Variants in SIGLECL1 observed in about 807,000 individuals in gnomAD.
SIGLECL1 encodes SIGLEC family-like protein 1.
A neutral mutation model predicts 19.1 loss-of-function variants in SIGLECL1; 16 were observed. The observed-to-expected ratio is 0.84, with a 90% CI of 0.57 to 1.27. SIGLECL1 has a LOEUF of 1.27. Among genes scored for constraint, SIGLECL1 ranks in the 50% most tolerant of loss-of-function variants. The pLI is 0.00. For synonymous variants in SIGLECL1, 89 were observed against 90.4 expected, an observed-to-expected ratio of 0.98 and a Z score of 0.09; for missense variants, 210 against 239.4, an observed-to-expected ratio of 0.88 and a Z score of 0.81.
chr19:51,248,349 G>C (rs1249430002), upstream of SIGLECL1, among the ~76,000 whole-genome samples: 4 of 152,054 alleles, frequency 2.6e-5, no homozygotes, highest in African/African-American at 9.7e-5. Context: ...TCCTCAAATG[G>C]GACTATAAAA....
At chr19:51,263,625 G>A (rs952992905) in intron 1 of SIGLECL1, among the ~76,000 whole-genome samples, 15 of 152,196 alleles carry the variant, frequency 9.9e-5, no homozygotes, top group Admixed American at 9.8e-4. Flanking sequence ...GGCCATGGTG[G>A]TGAATACCTG....
At chr19:51,251,063 A>AT (rs1208825258), upstream of SIGLECL1, 3 of 152,208 alleles carry the variant, frequency 2.0e-5, no homozygotes, top group Non-Finnish European at 2.9e-5. Context: ...GCAGCCGCTG[A>AT]TTGGCTGCGG....
intron 5 of SIGLECL1, among the ~76,000 whole-genome samples, chr19:51,267,974 C>T (rs770927594): frequency 1.8e-4 from 27 of 152,176 alleles, no homozygotes; most frequent in Non-Finnish European, 3.1e-4. Context: ...CCCACATCTT[C>T]AGCAGGGCTT....
intron 1 of SIGLECL1, among the ~76,000 whole-genome samples, chr19:51,263,046 G>A (rs547814294): frequency 6.1e-4 from 93 of 152,178 alleles, no homozygotes; most frequent in Middle Eastern, 3.4e-3. Flanking sequence ...CTACAGGTGC[G>A]TACCACCACA....
At chr19:51,257,848 G>A (rs1005512029) in intron 1 of SIGLECL1, 1 of 152,234 alleles carries the variant, frequency 6.6e-6, no homozygotes, top group African/African-American at 2.4e-5. Context: ...CATGAGGGAA[G>A]TCACCATGTT....
upstream of SIGLECL1, among the ~76,000 whole-genome samples, chr19:51,249,975 G>A (rs886355934): frequency 2.0e-5 from 3 of 152,006 alleles, no homozygotes; most frequent in African/African-American, 7.3e-5. Flanking sequence ...ACTTCCTGAC[G>A]TTGCCATGGC....
upstream of SIGLECL1, among the ~76,000 whole-genome samples, chr19:51,247,710 G>T (rs1476263405): frequency 6.6e-6 from 1 of 152,172 alleles, no homozygotes; most frequent in Non-Finnish European, 1.5e-5. Context: ...GAGCCACCGT[G>T]TCCGGCCGTT....
intron 1 of SIGLECL1, among the ~76,000 whole-genome samples, chr19:51,253,285 A>T (rs1982607376): frequency 6.6e-6 from 1 of 152,190 alleles, no homozygotes; most frequent in South Asian, 2.1e-4. Flanking sequence ...CCATGTTTTT[A>T]AAATGAGCAA....
At chr19:51,266,791 A>T (rs1983708622) in intron 4 of SIGLECL1, among the ~76,000 whole-genome samples, 1 of 152,180 alleles carries the variant, frequency 6.6e-6, no homozygotes, top group Non-Finnish European at 1.5e-5. Context: ...CAGGCCAGAG[A>T]GACGGGCAGG....
chr19:51,249,373 C>T (rs1220982325), upstream of SIGLECL1, among the ~76,000 whole-genome samples: 1 of 151,868 alleles, frequency 6.6e-6, no homozygotes. Flanking sequence ...GGTCCCCTCT[C>T]GGGAAGTCTA....
Position 51,269,110 on chromosome 19 carries a change from A to C in SIGLECL1, c.*513A>C, listed in dbSNP as rs1448820626. On this transcript the variant is annotated 3_prime_UTR_variant, in exon 6 of 6. Coordinates refer to ENST00000601727, the MANE Select transcript of SIGLECL1 (RefSeq NM_001385465.1). ...TCACATGACCCATATCTGGGTGGAG[A>C]ATGGGTGAAAAGTACTGTTCAGAGA... 3 of 156,646 alleles carry C rather than the reference A, an allele frequency of 1.9e-5. No homozygotes were observed. Among genetic ancestry groups the C allele is most frequent in the Non-Finnish European group, 4.2e-5 (3 of 70,710 alleles). 9.7% of individuals were successfully genotyped at this position (156,646 alleles called of 1,614,324 possible). A position where few individuals can be genotyped will look rare whatever the true frequency, so the allele number is the denominator to read the frequency against.
intron 1 of SIGLECL1, among the ~76,000 whole-genome samples, chr19:51,262,524 T>C (rs1189717758): frequency 6.6e-6 from 1 of 152,230 alleles, no homozygotes; most frequent in Non-Finnish European, 1.5e-5. Flanking sequence ...TCTTCCTTTT[T>C]AATGTGGCTG....
At chr19:51,251,863 C>T (rs2123374168) in intron 1 of SIGLECL1, among the ~76,000 whole-genome samples, 1 of 152,264 alleles carries the variant, frequency 6.6e-6, no homozygotes, top group East Asian at 1.9e-4. Flanking sequence ...AGCCGAACAC[C>T]TTTGCATCAC....
intron 1 of SIGLECL1, among the ~76,000 whole-genome samples, chr19:51,259,414 A>G (rs1451756886): frequency 6.6e-6 from 1 of 152,230 alleles, no homozygotes; most frequent in Admixed American, 6.5e-5. Context: ...CTAAATAGGA[A>G]CCAATAAGAT....
chr19:51,247,723 C>T (rs962311788), upstream of SIGLECL1, among the ~76,000 whole-genome samples: 2 of 152,130 alleles, frequency 1.3e-5, no homozygotes, highest in African/African-American at 4.8e-5. Context: ...CGGCCGTTGC[C>T]CAATTTCAAA....
intron 1 of SIGLECL1, among the ~76,000 whole-genome samples, chr19:51,259,791 C>A (rs546563773): frequency 6.6e-6 from 1 of 152,278 alleles, no homozygotes; most frequent in Non-Finnish European, 1.5e-5. Flanking sequence ...AGGAGGTCCT[C>A]GTTATATTTA....
intron 1 of SIGLECL1, among the ~76,000 whole-genome samples, chr19:51,262,682 T>G (rs1221468740): frequency 1.3e-5 from 2 of 152,156 alleles, no homozygotes; most frequent in African/African-American, 4.8e-5. Flanking sequence ...GGGGTCTTAT[T>G]TCCTTTTGCT....
chr19:51,258,326 T>C (rs913594652), intron 1 of SIGLECL1, among the ~76,000 whole-genome samples: 6 of 152,256 alleles, frequency 3.9e-5, no homozygotes, highest in African/African-American at 7.2e-5. Flanking sequence ...CTGAAACATA[T>C]GGTTTGAAAA....
chr19:51,256,778 G>C (rs1982838316), intron 1 of SIGLECL1, among the ~76,000 whole-genome samples: 1 of 152,106 alleles, frequency 6.6e-6, no homozygotes, highest in Admixed American at 6.5e-5. Context: ...TACACCTTAA[G>C]TATATACAAT....
Sources: allele counts gnomAD v4.1 joint callset (sites outside exome capture counted in the v4.1 genomes callset), GRCh38; gene constraint gnomAD v4.1.1; transcripts MANE v1.5; gene names NCBI Gene and HGNC (gene_info 2026-07-23, HGNC 2026-07-21).